SPAG16: variants seen among roughly 807,000 people sequenced by gnomAD.
The protein encoded by SPAG16 is sperm associated antigen 16, also known as sperm-associated antigen 16 protein.
In SPAG16, 86 loss-of-function variants were observed where a neutral mutation model predicts 80.4. That is an observed-to-expected ratio of 1.07 (90% CI 0.90 to 1.28). The LOEUF is 1.28. SPAG16 is among the 50% of genes most tolerant of loss of function. SPAG16 has a pLI of 0.00. For synonymous variants in SPAG16, 294 were observed against 265.9 expected (o/e 1.11, Z -1.03); for missense variants, 870 against 765.3 (o/e 1.14, Z -1.61).
At chr2:213,820,441 A>G (rs1170378210) in intron 10 of SPAG16, among the ~76,000 whole-genome samples, 1 of 152,152 alleles carries the variant, frequency 6.6e-6, no homozygotes, top group African/African-American at 2.4e-5. Context: ...ATGGGCTCCA[A>G]GTATTCAAAT....
intron 1 of SPAG16, among the ~76,000 whole-genome samples, chr2:213,294,782 A>G (rs2062432021): frequency 6.6e-6 from 1 of 152,120 alleles, no homozygotes; most frequent in African/African-American, 2.4e-5. Flanking sequence ...ATTGGCAAAC[A>G]CTTTATGTAT....
intron 15 of SPAG16, among the ~76,000 whole-genome samples, chr2:214,174,086 A>T (rs931042820): frequency 6.6e-6 from 1 of 152,088 alleles, no homozygotes; most frequent in African/African-American, 2.4e-5. Flanking sequence ...CAAAATAATA[A>T]GAGCTATCTA....
chr2:213,830,996 T>C (rs1379679496), intron 10 of SPAG16, among the ~76,000 whole-genome samples: 1 of 151,888 alleles, frequency 6.6e-6, no homozygotes, highest in African/African-American at 2.4e-5. Context: ...GTTGTTGCTT[T>C]ATTTTATTTT....
At chr2:214,255,714 T>A (rs1168655967) in intron 15 of SPAG16, among the ~76,000 whole-genome samples, 1 of 152,030 alleles carries the variant, frequency 6.6e-6, no homozygotes, top group Non-Finnish European at 1.5e-5. Flanking sequence ...TTCAACCATA[T>A]ATTAGTTTTT....
chr2:214,278,448 G>GAACC (rs1692642958), intron 15 of SPAG16, among the ~76,000 whole-genome samples: 1 of 152,074 alleles, frequency 6.6e-6, no homozygotes, highest in South Asian at 2.1e-4. Context: ...AGCCATCTTA[G>GAACC]AACCGGACCA....
chr2:214,250,445 TTCTC>T (rs569545513), intron 15 of SPAG16, among the ~76,000 whole-genome samples: 7 of 151,240 alleles, frequency 4.6e-5, no homozygotes, highest in African/African-American at 1.7e-4. Context: ...AATTCACAAA[TTCTC>T]TAATAATTAT....
rs150680633 is a variant in SPAG16 at position 213,739,275 on chromosome 2, A to G, written c.1071-123210A>G. Among the ~76,000 whole-genome samples, 141 of 152,318 alleles carry G rather than the reference A, an allele frequency of 9.3e-4. 1 individual carries two copies. Among genetic ancestry groups the G allele is most frequent in the Middle Eastern group, 3.4e-3 (1 of 294 alleles). ...TGTACTTCAACAGGTTAATTTTATA[A>G]CTACTTATTTTATAATGTAGGTTTC... On this transcript the variant is annotated intron_variant, in intron 10 of 15. Transcript: ENST00000331683.
At chr2:213,897,148 AT>A (rs143965399) in intron 11 of SPAG16, among the ~76,000 whole-genome samples, 1,587 of 152,300 alleles carry the variant, frequency 0.01, 36 homozygotes, top group African/African-American at 0.035. Context: ...ATCTTTACCA[AT>A]TATATGAGTG....
intron 15 of SPAG16, among the ~76,000 whole-genome samples, chr2:214,397,447 C>T (rs773695971): frequency 6.6e-6 from 1 of 152,044 alleles, no homozygotes; most frequent in Non-Finnish European, 1.5e-5. Flanking sequence ...CGTGAGCCCC[C>T]GCGCCCGGCC....
intron 9 of SPAG16, among the ~76,000 whole-genome samples, chr2:213,478,687 A>C (rs1331549243): frequency 6.6e-6 from 1 of 150,764 alleles, no homozygotes; most frequent in Non-Finnish European, 1.5e-5. Context: ...ATACATTAAT[A>C]CATTAATTCA....
At chr2:213,403,395 G>A (rs960495057) in intron 9 of SPAG16, among the ~76,000 whole-genome samples, 2 of 152,058 alleles carry the variant, frequency 1.3e-5, no homozygotes, top group African/African-American at 4.8e-5. Context: ...CACTCTGATG[G>A]TAGTTTCTTT....
intron 9 of SPAG16, among the ~76,000 whole-genome samples, chr2:213,464,162 C>G (rs1398367980): frequency 1.3e-5 from 2 of 152,174 alleles, no homozygotes; most frequent in Non-Finnish European, 2.9e-5. Flanking sequence ...TCAGAGGTTT[C>G]TTGGTCTAGA....
chr2:213,331,496 G>A (rs903667136), intron 5 of SPAG16, among the ~76,000 whole-genome samples: 1 of 152,108 alleles, frequency 6.6e-6, no homozygotes, highest in African/African-American at 2.4e-5. Flanking sequence ...GTAATAGCTG[G>A]AGTCTTCAAC....
At position 214,226,584 on chromosome 2, in the gene SPAG16, G is replaced by T. The variant is rs371510279; in HGVS notation, c.1720+77318G>T. ...GCCTTATTCCAAATTCTGACCTTTT[G>T]TTGTTCACCAAAATGTGGTTGCAGT... is the stretch of plus-strand genomic sequence containing the variant. On this transcript the variant is annotated intron_variant, in intron 15 of 15. Transcript: ENST00000331683. 4.6e-5 allele frequency among the ~76,000 whole-genome samples: 7 copies of T among 152,122 alleles called. No homozygotes were observed. In the East Asian group the frequency reaches 1.2e-3, roughly 25 times the overall value.
intron 11 of SPAG16, among the ~76,000 whole-genome samples, chr2:213,899,328 T>TGATATCCCTTATATAGAA (rs1220359330): frequency 6.6e-6 from 1 of 152,094 alleles, no homozygotes. Flanking sequence ...ATGCCAAGGA[T>TGATATCCCTTATATAGAA]GATATCCCTT....
At chr2:214,122,100 A>G (rs11884692) in intron 14 of SPAG16, among the ~76,000 whole-genome samples, 3,558 of 151,844 alleles carry the variant, frequency 0.023, 124 homozygotes, top group East Asian at 0.16. Flanking sequence ...AATTCCTTAT[A>G]GTCTATAATT....
intron 1 of SPAG16, chr2:213,284,885 A>G: frequency 2.3e-6 from 1 of 435,156 alleles, no homozygotes; most frequent in Non-Finnish European, 4.0e-6. Flanking sequence ...ACCACTCAGT[A>G]CATTTTGGAT....
At chr2:214,389,116 C>T (rs1159206679) in intron 15 of SPAG16, among the ~76,000 whole-genome samples, 1 of 152,110 alleles carries the variant, frequency 6.6e-6, no homozygotes, top group Non-Finnish European at 1.5e-5. Flanking sequence ...AATACAAAGG[C>T]ATATGTAACC....
intron 14 of SPAG16, among the ~76,000 whole-genome samples, chr2:214,146,595 A>G (rs2125557188): frequency 6.6e-6 from 1 of 152,322 alleles, no homozygotes; most frequent in South Asian, 2.1e-4. Flanking sequence ...ACTGTAATAG[A>G]CACTGCATCT....
Sources: gnomAD v4.1 joint callset for allele counts (sites outside exome capture counted in the v4.1 genomes callset) on GRCh38, gnomAD v4.1.1 for gene constraint, MANE v1.5 for transcripts, NCBI Gene and HGNC (gene_info 2026-07-23, HGNC 2026-07-21) for gene names.